Variants in RIC3 observed in about 807,000 individuals in gnomAD.
RIC3 encodes the protein RIC3 acetylcholine receptor chaperone.
A neutral mutation model predicts 27.3 loss-of-function variants in RIC3; 28 were observed. The ratio of observed to expected loss-of-function variants is 1.02; its 90% CI spans 0.76 to 1.41. The LOEUF (loss-of-function observed/expected upper bound fraction) is 1.41. Ranked by LOEUF, RIC3 falls within the 40% of genes most tolerant of loss-of-function variation. The pLI, the probability that RIC3 is intolerant of heterozygous loss-of-function variation, is 0.00. For synonymous variants in RIC3, 184 were observed against 160.4 expected (o/e 1.15, Z -1.11); for missense variants, 501 against 444.7 (o/e 1.13, Z -1.14).
chr11:8,117,054 A>G (rs762437853), intron 5 of RIC3, among the ~76,000 whole-genome samples: 2 of 152,094 alleles, frequency 1.3e-5, no homozygotes, highest in Non-Finnish European at 2.9e-5. Flanking sequence ...ACATATACAC[A>G]ACAGAATAGT....
the RIC3 span, chr11:8,097,748 G>A: frequency 6.2e-7 from 1 of 1,614,124 alleles, no homozygotes; most frequent in Non-Finnish European, 8.5e-7. Context: ...AGAAAGAAGA[G>A]TAAAACTTCC....
chr11:8,137,292 G>T, intron 4 of RIC3, 86 bp downstream of exon 4: 2 of 1,192,902 alleles, frequency 1.7e-6, no homozygotes, highest in South Asian at 2.6e-5. Flanking sequence ...CCAAAGTGCT[G>T]GGATTAGAGG....
intron 4 of RIC3, among the ~76,000 whole-genome samples, chr11:8,127,507 G>A (rs573312179): frequency 3.3e-5 from 5 of 152,196 alleles, no homozygotes; most frequent in Admixed American, 1.3e-4. Flanking sequence ...CCACATTTTG[G>A]AAAACCTGGT....
chr11:8,105,720 A>G (rs1236190014), downstream of RIC3: 2 of 151,636 alleles, frequency 1.3e-5, no homozygotes, highest in African/African-American at 4.9e-5. Flanking sequence ...CACTACCTTT[A>G]TAGCTCATCA....
At position 8,126,791 on chromosome 11, in the gene RIC3, T is replaced by A; in HGVS notation, c.538A>T (p.Thr180Ser). 1 of 1,614,138 alleles carries A rather than the reference T, an allele frequency of 6.2e-7. No homozygotes were observed. Among genetic ancestry groups the A allele is most frequent in the South Asian group, 1.1e-5 (1 of 91,088 alleles). Residue 180 changes from threonine (T) to serine (S), a missense_variant, in exon 5 of 6, where the codon ACT becomes TCT. By Grantham distance (58) the Thr-to-Ser change is moderately conservative. Transcript: ENST00000309737. ...AGCAACCGTTTCTCTTGGTCAGAAG[T>A]CACAGTCTGTGCTCTGCTTAGAAAT... is the stretch of plus-strand genomic sequence containing the variant. ...PNGESRAQTV[T>S]SDQEKRLLHQ...
chr11:8,167,381 G>T (rs997143236), intron 1 of RIC3, among the ~76,000 whole-genome samples: 1 of 152,166 alleles, frequency 6.6e-6, no homozygotes, highest in East Asian at 1.9e-4. Flanking sequence ...GTCATCAGGG[G>T]AAGTCTCTCT....
chr11:8,113,163 G>A (rs1176249541), intron 5 of RIC3, among the ~76,000 whole-genome samples: 1 of 152,198 alleles, frequency 6.6e-6, no homozygotes, highest in Non-Finnish European at 1.5e-5. Context: ...CCATGGTCAA[G>A]GATAGGATCT....
At chr11:8,097,812 T>C in the RIC3 span, 3 of 1,613,572 alleles carry the variant, frequency 1.9e-6, no homozygotes, top group Non-Finnish European at 2.5e-6. Flanking sequence ...GGGACAGCTA[T>C]ATCGGGAAAC....
chr11:8,126,799 T>A lies in RIC3; in HGVS notation c.530A>T (p.Gln177Leu), dbSNP rs1405774596. 1.9e-6 allele frequency: 3 copies of A among 1,614,022 alleles called. No homozygotes were observed. Among genetic ancestry groups the A allele is most frequent in the South Asian group, 2.2e-5 (2 of 91,090 alleles). The stretch of plus-strand genomic sequence containing the variant: ...TTTCTCTTGGTCAGAAGTCACAGTC[T>A]GTGCTCTGCTTAGAAATATCAGACA... ...RVGPNGESRA[Q>L]TVTSDQEKRL... Residue 177 changes from glutamine to leucine, a missense_variant, in exon 5 of 6, where the codon CAG (glutamine) becomes CTG (leucine). Physicochemically the swap from Gln to Leu is moderately radical, Grantham distance 113. Coordinates refer to ENST00000309737, the MANE Select transcript of RIC3 (RefSeq NM_001206671.4).
chr11:8,104,127 T>C (rs1270755829), downstream of RIC3: 1 of 152,280 alleles, frequency 6.6e-6, no homozygotes, highest in Non-Finnish European at 1.5e-5. Context: ...CTAGGGCCCC[T>C]AGAAACCACC....
At position 8,131,984 on chromosome 11, in the gene RIC3, G is replaced by A. The variant is rs185045560; in HGVS notation, c.522-5177C>T. Among the ~76,000 whole-genome samples, 957 of 149,264 alleles carry A rather than the reference G, an allele frequency of 6.4e-3. 22 individuals are homozygous for A. Among genetic ancestry groups the A allele is most frequent in the Admixed American group, 0.051 (758 of 15,002 alleles). On this transcript the variant is annotated intron_variant, in intron 4 of 5. Transcript: ENST00000309737. ...TTAGTACCGACTATACAAACACAGT[G>A]AACAAAATAGGCTAAGTCTAGCCTC...
chr11:8,145,190 T>A (rs947348330), intron 1 of RIC3, among the ~76,000 whole-genome samples: 4 of 116,074 alleles, frequency 3.4e-5, no homozygotes, highest in Non-Finnish European at 5.0e-5. Context: ...TAAAAAAAAA[T>A]TAAAAAAAAA....
the RIC3 span, chr11:8,097,308 G>A: frequency 1.2e-6 from 2 of 1,614,186 alleles, no homozygotes; most frequent in Non-Finnish European, 1.7e-6. Context: ...AGTTTGCACT[G>A]AGGCCGGCCC....
At chr11:8,101,763 C>T, downstream of RIC3, 2 of 1,407,614 alleles carry the variant, frequency 1.4e-6, no homozygotes, top group Non-Finnish European at 1.9e-6. Flanking sequence ...GCCCAGCCAG[C>T]CAGGAACTGG....
At chr11:8,113,609 T>A (rs1294684852) in intron 5 of RIC3, among the ~76,000 whole-genome samples, 1 of 152,042 alleles carries the variant, frequency 6.6e-6, no homozygotes, top group African/African-American at 2.4e-5. Flanking sequence ...GCCAGGCTAG[T>A]CTCTATGACC....
At chr11:8,111,280 T>C in intron 5 of RIC3, 143 bp from the exon 6 acceptor site, 3 of 650,554 alleles carry the variant, frequency 4.6e-6, no homozygotes, top group Non-Finnish European at 7.8e-6. Context: ...ATTCCAATAG[T>C]TCTAAAGTTT....
chr11:8,140,058 C>T lies in RIC3; in HGVS notation c.260G>A (p.Gly87Glu), dbSNP rs770232118. 3.7e-6 allele frequency: 6 copies of T among 1,614,128 alleles called. No individual in the cohort carries two copies. The South Asian group carries it at 5.5e-5, about 15-fold the overall frequency. The part of the protein sequence containing the change: ...AKAKGSGGGA[G>E]GGGSGRGLMG... The stretch of plus-strand genomic sequence containing the variant: ...CAGACCTCTTCCACTACCTCCTCCT[C>T]CAGCACCTCCACCTGATCCTTTGGC... The change falls in exon 2 of 6, where the codon GGA (glycine) becomes GAA (glutamate). Residue 87 changes from glycine (G) to glutamate (E), a missense_variant. Transcript: ENST00000309737.
At chr11:8,129,389 C>T (rs1167541311) in intron 4 of RIC3, among the ~76,000 whole-genome samples, 1 of 152,094 alleles carries the variant, frequency 6.6e-6, no homozygotes, top group African/African-American at 2.4e-5. Flanking sequence ...CCTAATGCTA[C>T]TATTAATCTT....
At chr11:8,101,789 T>A (rs765629450), downstream of RIC3, 15 of 1,191,378 alleles carry the variant, frequency 1.3e-5, no homozygotes, top group Non-Finnish European at 1.6e-5. Context: ...TTGCCTCTGC[T>A]ACTGAGGCAG....
Sources: gnomAD v4.1 joint callset for allele counts (sites outside exome capture counted in the v4.1 genomes callset) on GRCh38, gnomAD v4.1.1 for gene constraint, MANE v1.5 for transcripts, NCBI Gene and HGNC (gene_info 2026-07-23, HGNC 2026-07-21) for gene names.